SLC29A4: variants seen among roughly 807,000 people sequenced by gnomAD.
The protein encoded by SLC29A4 is solute carrier family 29 member 4.
SLC29A4 carries 36 observed loss-of-function variants against 43.9 expected under a neutral mutation model. The observed-to-expected ratio is 0.82, with a 90% CI of 0.63 to 1.08. The LOEUF is 1.08. Ranked by LOEUF, SLC29A4 falls within the 50% of genes least tolerant of loss-of-function variation. The probability of loss-of-function intolerance (pLI) is 0.00; values close to 1 mark genes in which losing one functional copy is unlikely to be tolerated. For synonymous variants in SLC29A4, 491 were observed against 338.0 expected, an observed-to-expected ratio of 1.45 and a Z score of -4.97; for missense variants, 869 against 755.3, an observed-to-expected ratio of 1.15 and a Z score of -1.77.
chr7:5,292,962 G>C (rs1241457238), intron 5 of SLC29A4, among the ~76,000 whole-genome samples: 1 of 150,774 alleles, frequency 6.6e-6, no homozygotes, highest in Non-Finnish European at 1.5e-5. Context: ...GCCTCCCAAA[G>C]TGCTGGTATT....
chr7:5,286,840 T>C (rs1172055992), intron 1 of SLC29A4, among the ~76,000 whole-genome samples: 3 of 152,198 alleles, frequency 2.0e-5, no homozygotes, highest in Non-Finnish European at 2.9e-5. Flanking sequence ...TTTCTCACTT[T>C]CCTCAGCTGA....
chr7:5,289,959 C>G (rs1408654399), intron 2 of SLC29A4, among the ~76,000 whole-genome samples: 1 of 152,028 alleles, frequency 6.6e-6, no homozygotes, highest in Non-Finnish European at 1.5e-5. Context: ...AACCTTGGCT[C>G]ACTGCAACCT....
rs1173961207 is a variant in SLC29A4, at chr7:5,306,855, A to AAAC, written c.*3919_*3921dup. 6.8e-6 allele frequency: 1 copy of AAAC among 147,266 alleles called. No homozygotes were observed. Among genetic ancestry groups the AAAC allele is most frequent in the Admixed American group, 6.9e-5 (1 of 14,526 alleles). 9.1% of individuals were successfully genotyped at this position (147,266 alleles called of 1,614,324 possible). ...AAAAGATCACACAGAATTTGCCAAC[A>AAAC]AACAAAATTCCAAAAGAAACATAAA... is the stretch of plus-strand genomic sequence containing the variant. On this transcript the variant is annotated 3_prime_UTR_variant, in exon 11 of 11. Coordinates refer to ENST00000396872, the MANE Select transcript of SLC29A4 (RefSeq NM_153247.4).
intron 1 of SLC29A4, among the ~76,000 whole-genome samples, chr7:5,284,414 G>C (rs1026865227): frequency 4.6e-5 from 7 of 152,164 alleles, no homozygotes; most frequent in Non-Finnish European, 8.8e-5. Context: ...TGAGTTGTGA[G>C]GTGGGGAAAC....
rs1169746716 is a variant in SLC29A4, at chr7:5,306,413, T to G, written c.*3474T>G. ...TTTCACCACATTGCTCAGGCTGGTC[T>G]GAAACTCCTGGCCTGAAGTGATCCT... On this transcript the variant is annotated 3_prime_UTR_variant, in exon 11 of 11. Coordinates refer to ENST00000396872, the MANE Select transcript of SLC29A4 (RefSeq NM_153247.4). The G allele has an allele frequency of 6.6e-6, 1 of 151,928 alleles. No individual in the cohort carries two copies. Among genetic ancestry groups the G allele is most frequent in the Non-Finnish European group, 1.5e-5 (1 of 68,002 alleles). The allele number at this position is 151,928 out of a possible 1,614,324, so 9.4% of individuals were successfully genotyped here.
At chr7:5,300,853 C>A (rs1453474663) in intron 10 of SLC29A4, among the ~76,000 whole-genome samples, 191 bp downstream of exon 10, 1 of 152,200 alleles carries the variant, frequency 6.6e-6, no homozygotes, top group Admixed American at 6.5e-5. Context: ...GTTCGTTCAT[C>A]CCACAACTAC....
chr7:5,293,612 C>T (rs183483057), intron 5 of SLC29A4, among the ~76,000 whole-genome samples: 16 of 152,148 alleles, frequency 1.1e-4, no homozygotes, highest in African/African-American at 3.9e-4. Flanking sequence ...TACTACTGTT[C>T]TGTTTTGTTA....
chr7:5,296,219 C>T (rs1416594595), intron 6 of SLC29A4, among the ~76,000 whole-genome samples: 1 of 152,014 alleles, frequency 6.6e-6, no homozygotes, highest in Non-Finnish European at 1.5e-5. Flanking sequence ...CCCACCTCTG[C>T]GCGCCCTCTG....
intron 2 of SLC29A4, among the ~76,000 whole-genome samples, chr7:5,288,442 C>T (rs1036967311): frequency 6.6e-5 from 10 of 151,050 alleles, no homozygotes; most frequent in South Asian, 2.1e-4. Context: ...GTAGCTGGGA[C>T]GGCAGGTGCC....
chr7:5,294,033 G>A (rs13224929), intron 5 of SLC29A4, among the ~76,000 whole-genome samples: 1,746 of 151,988 alleles, frequency 0.011, 14 homozygotes, highest in Non-Finnish European at 0.019. Context: ...GTGAACCCAG[G>A]AGGCAGAGGT....
At position 5,306,304 on chromosome 7, in the gene SLC29A4, C is replaced by T. The variant is rs1786490603; in HGVS notation, c.*3365C>T. 1 of 148,750 alleles carries T rather than the reference C, an allele frequency of 6.7e-6. No homozygotes were observed. 9.2% of individuals were successfully genotyped at this position (148,750 alleles called of 1,614,324 possible). A position where few individuals can be genotyped will look rare whatever the true frequency, so the allele number is the denominator to read the frequency against. ...CCACCCGCCGGGTCCCTGTGATTTT[C>T]CCACCTCAGCCTCCCGAGTAGCTGG... is the stretch of plus-strand genomic sequence containing the variant. On this transcript the variant is annotated 3_prime_UTR_variant, in exon 11 of 11. Coordinates refer to ENST00000396872, the MANE Select transcript of SLC29A4 (RefSeq NM_153247.4).
chr7:5,290,116 C>T (rs369795303), intron 2 of SLC29A4, among the ~76,000 whole-genome samples: 28 of 146,528 alleles, frequency 1.9e-4, no homozygotes, highest in Non-Finnish European at 3.3e-4. Context: ...TGCAGTGGCG[C>T]GATCTCGGCT....
chr7:5,291,088 C>T (rs1452930514), intron 3 of SLC29A4, 36 bp from the exon 4 acceptor site: 2 of 1,603,114 alleles, frequency 1.2e-6, no homozygotes, highest in South Asian at 2.2e-5. Context: ...GGGGGTGGGG[C>T]CTCCCTGAGC....
At position 5,300,649 on chromosome 7, in the gene SLC29A4, G is replaced by A. The variant is rs1562456402; in HGVS notation, c.1437G>A (p.Gln479=). The A allele has an allele frequency of 6.2e-7, 1 of 1,608,658 alleles. No individual in the cohort carries two copies. The highest frequency in any genetic ancestry group is 2.2e-5 in the East Asian group (1 of 44,834). The change falls in exon 10 of 11, where the codon CAG becomes CAA. Residue 479 remains glutamine, a synonymous_variant. Transcript: ENST00000396872. ...CGGCAGGCAAAGTGAGCCCCAAGCA[G>A]CGGGAGCTGGCAGGTGAGGCCCGCG... The part of the protein sequence containing the change: ...ILAAGKVSPK[Q]RELAGNTMTV...
At chr7:5,283,523 T>C (rs905719876) in intron 1 of SLC29A4, among the ~76,000 whole-genome samples, 2 of 151,894 alleles carry the variant, frequency 1.3e-5, no homozygotes, top group African/African-American at 4.8e-5. Context: ...GGGGCGCAGG[T>C]CCGCGAGCCA....
intron 1 of SLC29A4, among the ~76,000 whole-genome samples, chr7:5,286,194 C>G (rs1393687593): frequency 6.6e-6 from 1 of 152,006 alleles, no homozygotes; most frequent in Non-Finnish European, 1.5e-5. Context: ...GAGCACAGAT[C>G]CTTTCTGCAT....
chr7:5,289,543 T>G (rs1436465002), intron 2 of SLC29A4, among the ~76,000 whole-genome samples: 3 of 152,222 alleles, frequency 2.0e-5, no homozygotes, highest in East Asian at 3.9e-4. Context: ...CTCACCTGAT[T>G]AGGTCAGACC....
At chr7:5,288,546 C>T (rs1320016732) in intron 2 of SLC29A4, among the ~76,000 whole-genome samples, 1 of 151,960 alleles carries the variant, frequency 6.6e-6, no homozygotes, top group East Asian at 1.9e-4. Flanking sequence ...CCCGCCTCGG[C>T]CTCCCAAAGT....
At chr7:5,283,992 G>C (rs1244310048) in intron 1 of SLC29A4, among the ~76,000 whole-genome samples, 1 of 151,988 alleles carries the variant, frequency 6.6e-6, no homozygotes, top group East Asian at 1.9e-4. Flanking sequence ...GGGAGGAGCC[G>C]GAGGGGGTCA....
Sources: allele counts gnomAD v4.1 joint callset (sites outside exome capture counted in the v4.1 genomes callset), GRCh38; gene constraint gnomAD v4.1.1; transcripts MANE v1.5; gene names NCBI Gene and HGNC (gene_info 2026-07-23, HGNC 2026-07-21).